Variants in AVL9 observed in about 807,000 individuals in gnomAD.
The protein encoded by AVL9 is AVL9 cell migration associated, also known as late secretory pathway protein AVL9 homolog.
In AVL9, 49 loss-of-function variants were observed where a neutral mutation model predicts 79.2. The ratio of observed to expected loss-of-function variants is 0.62; its 90% CI spans 0.49 to 0.79. The LOEUF is 0.79. Among genes scored for constraint, AVL9 ranks in the 30% least tolerant of loss-of-function variants. AVL9 has a pLI of 0.00. For missense variants in AVL9, 682 were observed against 776.8 expected (o/e 0.88, Z 1.45); for synonymous variants, 299 against 280.6 (o/e 1.07, Z -0.65).
At chr7:32,548,617 G>A (rs1789647939) in intron 3 of AVL9, among the ~76,000 whole-genome samples, 1 of 152,056 alleles carries the variant, frequency 6.6e-6, no homozygotes, top group Non-Finnish European at 1.5e-5. Context: ...CTTGAGATTC[G>A]GGATTGTCCA....
At chr7:32,497,646 A>G (rs201474519) in intron 1 of AVL9, among the ~76,000 whole-genome samples, 12 of 91,488 alleles carry the variant, frequency 1.3e-4, no homozygotes, top group Non-Finnish European at 2.4e-4. Context: ...CATGTTGACC[A>G]TTAGTTCTTT....
At chr7:32,582,111 T>G (rs1791537164) in intron 15 of AVL9, among the ~76,000 whole-genome samples, 1 of 152,344 alleles carries the variant, frequency 6.6e-6, no homozygotes, top group Non-Finnish European at 1.5e-5. Context: ...TTTCTATATT[T>G]TTAACTTTTT....
chr7:32,495,823 C>T (rs1786772948), intron 1 of AVL9, 21 bp downstream of exon 1: 2 of 1,252,006 alleles, frequency 1.6e-6, no homozygotes, highest in African/African-American at 1.6e-5. Context: ...GGCCCGCCCC[C>T]GCCCCCAGCC....
chr7:32,579,524 T>A (rs1465255291), intron 13 of AVL9, among the ~76,000 whole-genome samples: 3 of 4,980 alleles, frequency 6.0e-4, no homozygotes, highest in Non-Finnish European at 1.0e-3. Context: ...ATATTATATA[T>A]TATATATTAT....
intron 1 of AVL9, among the ~76,000 whole-genome samples, chr7:32,517,845 T>TTTTG (rs1562759398): frequency 3.3e-5 from 5 of 150,814 alleles, no homozygotes; most frequent in Non-Finnish European, 7.4e-5. Context: ...GTTTTGTTTT[T>TTTTG]TTTTGAAACA....
At chr7:32,574,722 T>TAAATAGCTTGCTTATC (rs6150061) in intron 12 of AVL9, among the ~76,000 whole-genome samples, 1 of 151,910 alleles carries the variant, frequency 6.6e-6, no homozygotes, top group East Asian at 1.9e-4. Context: ...TCACAGAGGT[T>TAAATAGCTTGCTTATC]CATAAGAGGC....
chr7:32,544,193 C>G (rs1257039483), intron 2 of AVL9, among the ~76,000 whole-genome samples: 6 of 152,144 alleles, frequency 3.9e-5, no homozygotes, highest in Admixed American at 3.9e-4. Flanking sequence ...CAGTTGCAAA[C>G]ATTGTGACAC....
intron 1 of AVL9, among the ~76,000 whole-genome samples, chr7:32,513,504 C>G (rs1222093549): frequency 6.6e-6 from 1 of 152,230 alleles, no homozygotes; most frequent in Non-Finnish European, 1.5e-5. Flanking sequence ...AATTGCCAAT[C>G]AGAATATGTT....
chr7:32,565,889 TC>T (rs1326553803), intron 10 of AVL9, among the ~76,000 whole-genome samples: 3 of 151,130 alleles, frequency 2.0e-5, no homozygotes, highest in Admixed American at 2.0e-4. Context: ...ACGCCTGTAG[TC>T]CCAGCTACTC....
chr7:32,556,246 GGCTCAC>G (rs1790047453), intron 8 of AVL9, among the ~76,000 whole-genome samples: 1 of 152,096 alleles, frequency 6.6e-6, no homozygotes, highest in African/African-American at 2.4e-5. Flanking sequence ...TGGGCACAGT[GGCTCAC>G]GCCTGTAATC....
At chr7:32,550,442 G>A (rs1171569223) in intron 4 of AVL9, among the ~76,000 whole-genome samples, 1 of 152,162 alleles carries the variant, frequency 6.6e-6, no homozygotes, top group Non-Finnish European at 1.5e-5. Context: ...ACTCAGAAAG[G>A]TCTGGTTGTG....
chr7:32,563,159 G>C (rs2128143803), intron 10 of AVL9, among the ~76,000 whole-genome samples: 1 of 152,122 alleles, frequency 6.6e-6, no homozygotes, highest in South Asian at 2.1e-4. Context: ...AGCCTCCCTA[G>C]TAGCTGGGAC....
chr7:32,521,616 T>C (rs1788158870), intron 1 of AVL9, among the ~76,000 whole-genome samples: 1 of 152,206 alleles, frequency 6.6e-6, no homozygotes, highest in African/African-American at 2.4e-5. Flanking sequence ...CATAAAAGTT[T>C]GGAAAATTTG....
At chr7:32,547,071 T>C (rs890401159) in intron 3 of AVL9, among the ~76,000 whole-genome samples, 1 of 152,108 alleles carries the variant, frequency 6.6e-6, no homozygotes, top group Non-Finnish European at 1.5e-5. Flanking sequence ...TGGAGGATTT[T>C]TATGGGAGAG....
chr7:32,537,494 TCTCTGTTGC>T (rs1355378173), intron 1 of AVL9: 12 of 133,856 alleles, frequency 9.0e-5, no homozygotes, highest in African/African-American at 3.0e-4. Context: ...AGACAGAGTC[TCTCTGTTGC>T]CCAGGCTGGA....
At chr7:32,527,151 C>T (rs917659785) in intron 1 of AVL9, among the ~76,000 whole-genome samples, 1 of 152,152 alleles carries the variant, frequency 6.6e-6, no homozygotes. Context: ...GATGCCGAAA[C>T]AGCTGATAAA....
At chr7:32,520,040 C>A (rs574335642) in intron 1 of AVL9, among the ~76,000 whole-genome samples, 2 of 152,280 alleles carry the variant, frequency 1.3e-5, no homozygotes, top group Admixed American at 1.3e-4. Flanking sequence ...CAGTCACCTC[C>A]CACCAGGTCC....
intron 4 of AVL9, among the ~76,000 whole-genome samples, chr7:32,549,141 C>T (rs1394238528): frequency 1.3e-5 from 2 of 150,816 alleles, no homozygotes; most frequent in Non-Finnish European, 2.9e-5. Flanking sequence ...AGTAAGTTGA[C>T]ACATAAACAA....
chr7:32,540,182 C>T (rs1012087615), intron 1 of AVL9, among the ~76,000 whole-genome samples: 1 of 152,188 alleles, frequency 6.6e-6, no homozygotes, highest in African/African-American at 2.4e-5. Context: ...CTGATGTAAC[C>T]ACTCATGATG....
Sources: allele counts gnomAD v4.1 joint callset (sites outside exome capture counted in the v4.1 genomes callset), GRCh38; gene constraint gnomAD v4.1.1; transcripts MANE v1.5; gene names NCBI Gene and HGNC (gene_info 2026-07-23, HGNC 2026-07-21).